BRMS1L: variants seen among roughly 807,000 people sequenced by gnomAD.
BRMS1L encodes BRMS1 like transcriptional repressor.
In BRMS1L, 23 loss-of-function variants were observed where a neutral mutation model predicts 50.3. That is an observed-to-expected ratio of 0.46 (90% confidence interval 0.33 to 0.65). The LOEUF (loss-of-function observed/expected upper bound fraction) is 0.65. Among genes scored for constraint, BRMS1L ranks in the 30% least tolerant of loss-of-function variants. The pLI, the probability that BRMS1L is intolerant of heterozygous loss-of-function variation, is 0.02. For missense variants in BRMS1L, 286 were observed against 386.1 expected (o/e 0.74, Z 2.17); for synonymous variants, 114 against 126.9 (o/e 0.90, Z 0.69).
chr14:35,847,140 C>G (rs954070400), intron 4 of BRMS1L, among the ~76,000 whole-genome samples: 2 of 151,840 alleles, frequency 1.3e-5, no homozygotes, highest in African/African-American at 2.4e-5. Flanking sequence ...AGCCTGGCTA[C>G]TTTTTATATT....
In BRMS1L at chr14:35,870,581, A is replaced by T. The variant is rs2078479161; in HGVS notation, c.*104A>T. 1.5e-6 allele frequency: 1 copy of T among 666,234 alleles called. No homozygotes were observed. Among genetic ancestry groups the T allele is most frequent in the South Asian group, 1.8e-5 (1 of 54,418 alleles). The allele number at this position is 666,234 out of a possible 1,614,324, so 41.3% of individuals were successfully genotyped here. A position where few individuals can be genotyped will look rare whatever the true frequency, so the allele number is the denominator to read the frequency against. Reference sequence around the variant, plus strand: ...AATAACTTAATATTCTCACTGAATCATGAGAGAATGTGTATTTGTAGGTAG... The same window carrying T: ...AATAACTTAATATTCTCACTGAATCTTGAGAGAATGTGTATTTGTAGGTAG... On this transcript the variant is annotated 3_prime_UTR_variant, in exon 10 of 10. Coordinates refer to ENST00000216807, the MANE Select transcript of BRMS1L (RefSeq NM_032352.4).
chr14:35,853,672 C>T (rs984436077), intron 4 of BRMS1L, among the ~76,000 whole-genome samples: 1 of 152,152 alleles, frequency 6.6e-6, no homozygotes. Context: ...AGTGATCCTC[C>T]TGCCTCAGCC....
intron 4 of BRMS1L, among the ~76,000 whole-genome samples, chr14:35,851,007 C>G (rs2078205105): frequency 6.6e-6 from 1 of 152,184 alleles, no homozygotes; most frequent in African/African-American, 2.4e-5. Context: ...CTTCTTAGCT[C>G]CCTCTTATTT....
At chr14:35,832,877 A>C (rs2077942060) in intron 2 of BRMS1L, 101 bp from the exon 3 acceptor site, 3 of 1,031,926 alleles carry the variant, frequency 2.9e-6, no homozygotes, top group Non-Finnish European at 4.1e-6. Flanking sequence ...ATAGATTATT[A>C]GAATATAAAT....
At chr14:35,864,267 T>C (rs558662221) in intron 6 of BRMS1L, among the ~76,000 whole-genome samples, 14 of 152,310 alleles carry the variant, frequency 9.2e-5, no homozygotes, top group African/African-American at 3.4e-4. Flanking sequence ...ATGTGTACTT[T>C]TTTTTTCTTT....
At chr14:35,855,780 A>G (rs1566425785) in intron 4 of BRMS1L, among the ~76,000 whole-genome samples, 1 of 152,154 alleles carries the variant, frequency 6.6e-6, no homozygotes, top group African/African-American at 2.4e-5. Context: ...GTGAAAGCTA[A>G]CCTATCTTTA....
chr14:35,856,100 T>C (rs2078276223), intron 4 of BRMS1L, among the ~76,000 whole-genome samples: 1 of 152,188 alleles, frequency 6.6e-6, no homozygotes, highest in African/African-American at 2.4e-5. Flanking sequence ...AGAAGGAAGA[T>C]ACCCTGCCAA....
intron 9 of BRMS1L, among the ~76,000 whole-genome samples, chr14:35,868,293 C>G (rs2078446602): frequency 6.6e-6 from 1 of 152,154 alleles, no homozygotes; most frequent in Non-Finnish European, 1.5e-5. Flanking sequence ...GATCCTGTTT[C>G]TTAATTCTTT....
At chr14:35,867,657 CTTAA>C (rs2078438724) in intron 8 of BRMS1L, 2 of 234,366 alleles carry the variant, frequency 8.5e-6, no homozygotes, top group Non-Finnish European at 8.1e-6. Flanking sequence ...CCTTCTGGTA[CTTAA>C]TTAGTCAATT....
chr14:35,839,764 AT>A (rs1490487641), intron 4 of BRMS1L, among the ~76,000 whole-genome samples: 1 of 152,078 alleles, frequency 6.6e-6, no homozygotes, highest in Non-Finnish European at 1.5e-5. Context: ...GCTTAAGGAG[AT>A]TTTGGGCTGA....
intron 3 of BRMS1L, among the ~76,000 whole-genome samples, chr14:35,834,488 G>A (rs1042594517): frequency 6.6e-6 from 1 of 152,126 alleles, no homozygotes; most frequent in Non-Finnish European, 1.5e-5. Context: ...TGACACCAGA[G>A]TTTATTATCT....
At chr14:35,863,027 C>T (rs2078373536) in intron 5 of BRMS1L, among the ~76,000 whole-genome samples, 1 of 152,012 alleles carries the variant, frequency 6.6e-6, no homozygotes, top group South Asian at 2.1e-4. Flanking sequence ...ATCCTTTGAT[C>T]CCAGGAGTTC....
At chr14:35,849,964 C>T (rs900141856) in intron 4 of BRMS1L, among the ~76,000 whole-genome samples, 1 of 151,694 alleles carries the variant, frequency 6.6e-6, no homozygotes, top group Non-Finnish European at 1.5e-5. Flanking sequence ...GGGCTACAGG[C>T]ATGTGCCACC....
At chr14:35,860,427 C>T (rs1029421279) in intron 4 of BRMS1L, among the ~76,000 whole-genome samples, 2 of 152,114 alleles carry the variant, frequency 1.3e-5, no homozygotes, top group African/African-American at 2.4e-5. Flanking sequence ...CATGAGCCAC[C>T]GTGGCTGGCC....
Position 35,849,037 on chromosome 14 carries a change from A to G in BRMS1L, c.442-13553A>G, listed in dbSNP as rs531876920. On this transcript the variant is annotated intron_variant, in intron 4 of 9. Coordinates refer to ENST00000216807, the MANE Select transcript of BRMS1L (RefSeq NM_032352.4). ...TTTTCTTTTTCTTTTTCAATTTTTTATAGAGACAGAATCTCACTGTGTTGC... is the reference window on the plus strand; with the variant it reads ...TTTTCTTTTTCTTTTTCAATTTTTTGTAGAGACAGAATCTCACTGTGTTGC... 6.6e-5 allele frequency among the ~76,000 whole-genome samples: 10 copies of G among 151,682 alleles called. No individual in the cohort carries two copies. The South Asian group carries it at 1.2e-3, about 19-fold the overall frequency.
intron 4 of BRMS1L, among the ~76,000 whole-genome samples, chr14:35,853,000 A>G (rs762517870): frequency 2.7e-5 from 4 of 150,434 alleles, no homozygotes; most frequent in Non-Finnish European, 4.4e-5. Context: ...GTATCTATCT[A>G]TCTATCTATC....
intron 1 of BRMS1L, chr14:35,829,735 AT>A: frequency 1.4e-6 from 1 of 732,596 alleles, no homozygotes; most frequent in South Asian, 1.7e-5. Context: ...TGAGAAAAAA[AT>A]GAGTCAGCCT....
intron 4 of BRMS1L, among the ~76,000 whole-genome samples, chr14:35,858,192 A>C (rs1313263049): frequency 1.3e-5 from 2 of 152,166 alleles, no homozygotes; most frequent in Non-Finnish European, 2.9e-5. Context: ...TCAGACACTG[A>C]AGTCCTAACG....
At chr14:35,832,217 A>C (rs2077928207) in intron 2 of BRMS1L, among the ~76,000 whole-genome samples, 1 of 151,994 alleles carries the variant, frequency 6.6e-6, no homozygotes, top group Non-Finnish European at 1.5e-5. Flanking sequence ...AAAATTAAGT[A>C]GGCTGGGCCG....
Sources: gnomAD v4.1 joint callset for allele counts (sites outside exome capture counted in the v4.1 genomes callset) on GRCh38, gnomAD v4.1.1 for gene constraint, MANE v1.5 for transcripts, NCBI Gene and HGNC (gene_info 2026-07-23, HGNC 2026-07-21) for gene names.